Variants in AIMP1 observed in about 807,000 individuals in gnomAD.
AIMP1 encodes aminoacyl tRNA synthase complex-interacting multifunctional protein 1.
In AIMP1, 24 loss-of-function variants were observed where a neutral mutation model predicts 33.1. That is an observed-to-expected ratio of 0.73 (90% confidence interval 0.53 to 1.02). The LOEUF is 1.02. AIMP1 is among the 50% of genes least tolerant of loss of function. AIMP1 has a pLI of 0.00. For missense variants in AIMP1, 367 were observed against 364.8 expected (o/e 1.01, Z -0.05); for synonymous variants, 120 against 121.5 (o/e 0.99, Z 0.08).
chr4:106,340,128 G>C (rs974417455), intron 6 of AIMP1, among the ~76,000 whole-genome samples: 38 of 152,164 alleles, frequency 2.5e-4, no homozygotes, highest in African/African-American at 8.4e-4. Context: ...TATTTGACTA[G>C]AGTAATTGGG....
Position 106,336,895 on chromosome 4 carries a change from T to C in AIMP1, c.630T>C (p.Leu210=). The C allele has an allele frequency of 6.2e-7, 1 of 1,614,098 alleles. No homozygotes were observed. The highest frequency in any genetic ancestry group is 8.5e-7 in the Non-Finnish European group (1 of 1,179,994). Residue 210 remains leucine (L), a synonymous_variant, in exon 6 of 7, where the codon CTT becomes CTC. Coordinates refer to ENST00000672341, the MANE Select transcript of AIMP1 (RefSeq NM_001142416.2). The stretch of plus-strand genomic sequence containing the variant: ...TGCAAAATCGGATGGTGATTTTACT[T>C]TGTAACCTGAAACCTGCAAAGATGA... ...EQMQNRMVIL[L]CNLKPAKMRG... is the part of the protein sequence containing the mutation.
chr4:106,327,207 T>C (rs1294164656), intron 2 of AIMP1, among the ~76,000 whole-genome samples: 3 of 152,208 alleles, frequency 2.0e-5, no homozygotes, highest in African/African-American at 7.2e-5. Flanking sequence ...AGGAAAATGA[T>C]TCATAAACAA....
rs1017031275 is a variant in AIMP1, at chr4:106,316,558, C to T, written c.-62C>T. The stretch of plus-strand genomic sequence containing the variant: ...GGTGGCTGGACCTACATGCTTCCTG[C>T]TGTGGCTGTCTCGGAACCCGTGGTC... On this transcript the variant is annotated 5_prime_UTR_variant, in exon 1 of 7. Coordinates refer to ENST00000672341, the MANE Select transcript of AIMP1 (RefSeq NM_001142416.2). 2 of 1,551,506 alleles carry T rather than the reference C, an allele frequency of 1.3e-6. No homozygotes were observed. The highest frequency in any genetic ancestry group is 1.7e-6 in the Non-Finnish European group (2 of 1,146,978).
chr4:106,336,073 A>C lies in AIMP1; in HGVS notation c.604-796A>C, dbSNP rs982720743. 3.6e-5 allele frequency among the ~76,000 whole-genome samples: 4 copies of C among 110,862 alleles called. No homozygotes were observed. In the East Asian group the frequency reaches 9.9e-4, roughly 27 times the overall value. 72.7% of individuals were successfully genotyped at this position (110,862 alleles called of 152,430 possible). On this transcript the variant is annotated intron_variant, in intron 5 of 6. Transcript: ENST00000672341. ...TTTTTTTTTTTTGAGACAGGGTCTC[A>C]CTCTTGCCCAAGCTGGAGTTCAGTG... is the stretch of plus-strand genomic sequence containing the variant.
At chr4:106,329,288 A>T (rs1273466712) in intron 4 of AIMP1, among the ~76,000 whole-genome samples, 1 of 152,200 alleles carries the variant, frequency 6.6e-6, no homozygotes, top group African/African-American at 2.4e-5. Context: ...GACACAAAAC[A>T]ACTATATAAC....
intron 5 of AIMP1, among the ~76,000 whole-genome samples, chr4:106,336,344 T>A (rs1025385699): frequency 4.2e-4 from 63 of 151,600 alleles, no homozygotes; most frequent in Admixed American, 1.3e-4. Context: ...ACCCAGCCAA[T>A]TTTTTTTAAA....
chr4:106,327,824 T>G (rs1421086556), intron 3 of AIMP1, among the ~76,000 whole-genome samples: 2 of 152,200 alleles, frequency 1.3e-5, no homozygotes, highest in Non-Finnish European at 2.9e-5. Flanking sequence ...TTAGCTGTTC[T>G]TATTTGCAGG....
chr4:106,336,370 A>G (rs1367705144), intron 5 of AIMP1, among the ~76,000 whole-genome samples: 1 of 152,114 alleles, frequency 6.6e-6, no homozygotes, highest in Non-Finnish European at 1.5e-5. Flanking sequence ...AAATAAATCT[A>G]GCATAGCTCT....
intron 4 of AIMP1, among the ~76,000 whole-genome samples, chr4:106,328,598 G>C (rs1223797417): frequency 6.6e-6 from 1 of 152,174 alleles, no homozygotes; most frequent in Non-Finnish European, 1.5e-5. Flanking sequence ...CTTAGGACCA[G>C]TTGTGAAGAT....
intron 6 of AIMP1, among the ~76,000 whole-genome samples, chr4:106,346,835 T>C (rs1257167494): frequency 6.6e-6 from 1 of 152,194 alleles, no homozygotes; most frequent in Non-Finnish European, 1.5e-5. Flanking sequence ...TATTAATCCA[T>C]TCATGCACTG....
chr4:106,340,403 C>T lies in AIMP1; in HGVS notation c.772+3366C>T, dbSNP rs530929705. Among the ~76,000 whole-genome samples, 27 of 152,036 alleles carry T rather than the reference C, an allele frequency of 1.8e-4. No individual in the cohort carries two copies. The East Asian group carries it at 3.1e-3, about 17-fold the overall frequency. On this transcript the variant is annotated intron_variant, in intron 6 of 6. Coordinates refer to ENST00000672341, the MANE Select transcript of AIMP1 (RefSeq NM_001142416.2). ...CATCACCCAGGTAGTGAGCATAGTA[C>T]CTAATAGGTAATTTTAGAACCCTCA...
intron 6 of AIMP1, among the ~76,000 whole-genome samples, chr4:106,343,904 A>G (rs1025587603): frequency 1.3e-5 from 2 of 152,100 alleles, no homozygotes; most frequent in South Asian, 2.1e-4. Flanking sequence ...ATTATGAAGC[A>G]TAGGTTTAAC....
At chr4:106,330,721 A>C (rs1769643943) in intron 4 of AIMP1, among the ~76,000 whole-genome samples, 1 of 152,228 alleles carries the variant, frequency 6.6e-6, no homozygotes, top group South Asian at 2.1e-4. Context: ...CCAGTGTCAT[A>C]GCACTCCGTA....
At chr4:106,331,938 C>T (rs1419438736) in intron 5 of AIMP1, 55 bp downstream of exon 5, 2 of 1,468,944 alleles carry the variant, frequency 1.4e-6, no homozygotes, top group Middle Eastern at 2.0e-4. Flanking sequence ...TCATTCCCTC[C>T]TTCTTGGTAT....
At chr4:106,316,855 G>A (rs1056465622) in intron 1 of AIMP1, 3 of 455,260 alleles carry the variant, frequency 6.6e-6, no homozygotes, top group Non-Finnish European at 1.2e-5. Context: ...CGTATTTACT[G>A]TTATGTGAAT....
At chr4:106,340,844 A>T (rs1331620552) in intron 6 of AIMP1, among the ~76,000 whole-genome samples, 3 of 152,140 alleles carry the variant, frequency 2.0e-5, no homozygotes, top group Non-Finnish European at 4.4e-5. Context: ...GTTCTGTTTT[A>T]AGTTCTTTGA....
At chr4:106,344,896 T>A (rs1770238445) in intron 6 of AIMP1, among the ~76,000 whole-genome samples, 1 of 152,226 alleles carries the variant, frequency 6.6e-6, no homozygotes, top group Admixed American at 6.5e-5. Flanking sequence ...GTTTGTAAGC[T>A]TTAACTTTTG....
rs142599031 is a variant in AIMP1 at position 106,347,950 on chromosome 4, T to A, written c.*258T>A. On this transcript the variant is annotated 3_prime_UTR_variant, in exon 7 of 7. Transcript: ENST00000672341. ...ATTTATTTTTTAGCAGGAATATTGA[T>A]TAGCAGCTTTTTTTTCTTTATACAC... is the stretch of plus-strand genomic sequence containing the variant. The A allele has an allele frequency of 8.8e-5, 27 of 307,922 alleles. No individual in the cohort carries two copies. The East Asian group carries it at 1.5e-3, about 17-fold the overall frequency. The allele number at this position is 307,922 out of a possible 1,614,324, so 19.1% of individuals were successfully genotyped here.
chr4:106,316,425 G>C, upstream of AIMP1: 1 of 973,214 alleles, frequency 1.0e-6, no homozygotes, highest in South Asian at 1.4e-5. Context: ...CAGGTTAATG[G>C]GACTGAGCAC....
Sources: gnomAD v4.1 joint callset for allele counts (sites outside exome capture counted in the v4.1 genomes callset) on GRCh38, gnomAD v4.1.1 for gene constraint, MANE v1.5 for transcripts, NCBI Gene and HGNC (gene_info 2026-07-23, HGNC 2026-07-21) for gene names.